Variants in SPIDR observed in about 807,000 individuals in gnomAD.
The protein encoded by SPIDR is scaffold protein involved in DNA repair, also known as DNA repair-scaffolding protein.
A neutral mutation model predicts 104.6 loss-of-function variants in SPIDR; 93 were observed. That is an observed-to-expected ratio of 0.89 (90% confidence interval 0.75 to 1.06). SPIDR has a LOEUF of 1.06. Among genes scored for constraint, SPIDR ranks in the 50% least tolerant of loss-of-function variants. The pLI, the probability that SPIDR is intolerant of heterozygous loss-of-function variation, is 0.00. For synonymous variants in SPIDR, 431 were observed against 416.9 expected (o/e 1.03, Z -0.41); for missense variants, 1,154 against 1,111.2 (o/e 1.04, Z -0.55).
intron 8 of SPIDR, among the ~76,000 whole-genome samples, chr8:47,543,521 C>A (rs1384873440): frequency 1.3e-5 from 2 of 152,118 alleles, no homozygotes; most frequent in African/African-American, 4.8e-5. Context: ...AAGCTGAGAA[C>A]AAGCAATTTA....
At chr8:47,562,556 C>T (rs75801761) in intron 8 of SPIDR, among the ~76,000 whole-genome samples, 3,289 of 152,240 alleles carry the variant, frequency 0.022, 93 homozygotes, top group East Asian at 0.08. Flanking sequence ...TCAAAGTCAG[C>T]GGAGAAAAGC....
intron 8 of SPIDR, among the ~76,000 whole-genome samples, chr8:47,493,077 G>GTA (rs2078993863): frequency 6.8e-6 from 1 of 146,124 alleles, no homozygotes; most frequent in African/African-American, 2.7e-5. Context: ...GTGTGTGTGT[G>GTA]TTTAAATAGA....
chr8:47,526,822 A>G (rs556392352), intron 8 of SPIDR, among the ~76,000 whole-genome samples: 4 of 152,168 alleles, frequency 2.6e-5, no homozygotes, highest in East Asian at 1.9e-4. Context: ...CTAAAAATCA[A>G]TGGTTTTTAG....
intron 8 of SPIDR, among the ~76,000 whole-genome samples, chr8:47,539,961 TA>T (rs1354415718): frequency 6.6e-6 from 1 of 152,072 alleles, no homozygotes; most frequent in Admixed American, 6.6e-5. Flanking sequence ...GAAGTAAAAA[TA>T]TTCTGTGGCC....
chr8:47,303,392 C>T (rs1256908120), intron 5 of SPIDR, among the ~76,000 whole-genome samples: 3 of 152,208 alleles, frequency 2.0e-5, no homozygotes, highest in Non-Finnish European at 4.4e-5. Context: ...CTTGCACTTC[C>T]CGGGTGAGGT....
At chr8:47,314,776 C>G (rs377647006) in intron 5 of SPIDR, among the ~76,000 whole-genome samples, 3 of 152,140 alleles carry the variant, frequency 2.0e-5, no homozygotes, top group African/African-American at 7.2e-5. Flanking sequence ...AGCAAACTTA[C>G]AAACCTAGGT....
At chr8:47,451,581 AACACACACAC>A (rs56269650) in intron 8 of SPIDR, among the ~76,000 whole-genome samples, 11 of 148,034 alleles carry the variant, frequency 7.4e-5, no homozygotes, top group Non-Finnish European at 6.0e-5. Flanking sequence ...ACCCTGCCAA[AACACACACAC>A]ACACACACAC....
chr8:47,388,185 C>T (rs2060174343), intron 5 of SPIDR, among the ~76,000 whole-genome samples: 1 of 152,102 alleles, frequency 6.6e-6, no homozygotes. Flanking sequence ...CATTTTTTGT[C>T]CATTTGGAGC....
At chr8:47,536,812 T>C (rs1037720430) in intron 8 of SPIDR, among the ~76,000 whole-genome samples, 1 of 152,332 alleles carries the variant, frequency 6.6e-6, no homozygotes, top group South Asian at 2.1e-4. Context: ...AGACAAGCCA[T>C]GGACATATCT....
At chr8:47,522,756 G>T (rs1417831777) in intron 8 of SPIDR, among the ~76,000 whole-genome samples, 2 of 152,212 alleles carry the variant, frequency 1.3e-5, no homozygotes, top group Non-Finnish European at 2.9e-5. Context: ...AGTTTTTAAT[G>T]CTAAAAGCAT....
intron 8 of SPIDR, among the ~76,000 whole-genome samples, chr8:47,444,029 C>CA (rs1182561324): frequency 2.6e-5 from 4 of 151,848 alleles, no homozygotes; most frequent in Admixed American, 1.3e-4. Flanking sequence ...CACCAACTTA[C>CA]AAAAAAATGC....
chr8:47,540,279 G>A (rs2087838893), intron 8 of SPIDR, among the ~76,000 whole-genome samples: 1 of 151,866 alleles, frequency 6.6e-6, no homozygotes, highest in Non-Finnish European at 1.5e-5. Context: ...GAAGCATAGG[G>A]GAAAATAAAT....
intron 5 of SPIDR, among the ~76,000 whole-genome samples, chr8:47,345,486 T>C (rs1471584227): frequency 1.3e-5 from 2 of 152,122 alleles, no homozygotes; most frequent in African/African-American, 2.4e-5. Flanking sequence ...ACACTTTTTT[T>C]CAATTCTGTG....
intron 9 of SPIDR, among the ~76,000 whole-genome samples, chr8:47,597,950 A>G (rs988309637): frequency 2.6e-5 from 4 of 152,232 alleles, no homozygotes; most frequent in Admixed American, 6.5e-5. Flanking sequence ...CAAGGGAGGA[A>G]GAATACGAAA....
intron 10 of SPIDR, among the ~76,000 whole-genome samples, chr8:47,610,056 C>T (rs1190493359): frequency 6.6e-6 from 1 of 152,146 alleles, no homozygotes; most frequent in Non-Finnish European, 1.5e-5. Flanking sequence ...TGGTGATTTT[C>T]CAGCACCTGT....
chr8:47,561,723 C>G (rs1456677695), intron 8 of SPIDR, among the ~76,000 whole-genome samples: 2 of 152,190 alleles, frequency 1.3e-5, no homozygotes, highest in Non-Finnish European at 2.9e-5. Flanking sequence ...TCCCTGGGTC[C>G]CTTGTACCAT....
intron 10 of SPIDR, among the ~76,000 whole-genome samples, chr8:47,648,279 GAT>G (rs1481479725): frequency 8.5e-5 from 13 of 152,346 alleles, no homozygotes; most frequent in African/African-American, 3.1e-4. Context: ...TGGGCAACAA[GAT>G]GAATGGTGAT....
chr8:47,608,401 A>T (rs190657967), intron 10 of SPIDR, among the ~76,000 whole-genome samples: 1 of 152,206 alleles, frequency 6.6e-6, no homozygotes, highest in Non-Finnish European at 1.5e-5. Flanking sequence ...TGCTACTATG[A>T]ATATCTGCAT....
intron 5 of SPIDR, among the ~76,000 whole-genome samples, chr8:47,371,586 A>G (rs990892319): frequency 2.6e-5 from 4 of 152,072 alleles, no homozygotes; most frequent in Non-Finnish European, 5.9e-5. Context: ...CTCCACTCTC[A>G]TGACCTACTC....
Sources: gnomAD v4.1 joint callset for allele counts (sites outside exome capture counted in the v4.1 genomes callset) on GRCh38, gnomAD v4.1.1 for gene constraint, MANE v1.5 for transcripts, NCBI Gene and HGNC (gene_info 2026-07-23, HGNC 2026-07-21) for gene names.